The following FAM185A variants were observed in gnomAD, a reference collection of about 807,000 sequenced individuals.
The protein encoded by FAM185A is protein FAM185A.
In FAM185A, 21 loss-of-function variants were observed where a neutral mutation model predicts 45.7. That is an observed-to-expected ratio of 0.46 (90% CI 0.33 to 0.66). FAM185A has a LOEUF of 0.66. Among genes scored for constraint, FAM185A ranks in the 30% least tolerant of loss-of-function variants. FAM185A has a pLI of 0.03. For missense variants in FAM185A, 305 were observed against 485.4 expected (o/e 0.63, Z 3.49); for synonymous variants, 117 against 194.0 (o/e 0.60, Z 3.30).
chr7:102,848,413 G>A, the FAM185A span, among the ~76,000 whole-genome samples: 3 of 100,380 alleles, frequency 3.0e-5, no homozygotes, highest in Middle Eastern at 5.1e-3. Flanking sequence ...AAAATTAGCC[G>A]GGCGTAGTGG....
At position 102,749,609 on chromosome 7, in the gene FAM185A, T is replaced by A. The variant is rs1459743500; in HGVS notation, c.402T>A (p.Asp134Glu). 6.6e-6 allele frequency: 10 copies of A among 1,518,594 alleles called. No homozygotes were observed. The highest frequency in any genetic ancestry group is 2.3e-4 in the Middle Eastern group (1 of 4,364). The allele number at this position is 1,518,594 out of a possible 1,614,324, so 94.1% of individuals were successfully genotyped here. A position where few individuals can be genotyped will look rare whatever the true frequency, so the allele number is the denominator to read the frequency against. Residue 134 changes from aspartate (D) to glutamate (E), a missense_variant, in exon 1 of 8, where the codon GAT becomes GAA. By Grantham distance (45) the Asp-to-Glu change is conservative. This residue lies in a region of FAM185A where 174 missense variants were observed against 247.1 expected (regional missense o/e 0.70). Coordinates refer to ENST00000413034, the MANE Select transcript of FAM185A (RefSeq NM_001145268.2). ...TGGAGGAGATGGCCATTGTGTCTGA[T>A]ACTATCCACCCCCAGGCGTCCGTGG... ...EDLEEMAIVS[D>E]TIHPQASVEV...
chr7:102,816,376 T>G, the FAM185A span: 1 of 152,224 alleles, frequency 6.6e-6, no homozygotes, highest in Non-Finnish European at 1.5e-5. Context: ...AATCTAGGAT[T>G]ATTTTTAGAG....
At chr7:102,811,458 T>G (rs1229556719), downstream of FAM185A, among the ~76,000 whole-genome samples, 1 of 152,246 alleles carries the variant, frequency 6.6e-6, no homozygotes, top group African/African-American at 2.4e-5. Flanking sequence ...ACTCCTTTTC[T>G]TCATTTATGT....
chr7:102,761,443 C>A, intron 4 of FAM185A, 32 bp downstream of exon 4: 1 of 1,425,706 alleles, frequency 7.0e-7, no homozygotes, highest in African/African-American at 1.5e-5. Context: ...ACATCTGAGA[C>A]TTTCCACATA....
the FAM185A span, chr7:102,833,031 T>C: frequency 1.9e-6 from 3 of 1,571,852 alleles, no homozygotes; most frequent in Middle Eastern, 1.7e-4. Flanking sequence ...AGAACTGTCT[T>C]ACTTATAGTA....
chr7:102,818,456 A>G, the FAM185A span, among the ~76,000 whole-genome samples: 1 of 152,230 alleles, frequency 6.6e-6, no homozygotes, highest in African/African-American at 2.4e-5. Flanking sequence ...TACGTGGCAA[A>G]TAATAATTGT....
intron 6 of FAM185A, among the ~76,000 whole-genome samples, chr7:102,779,374 T>G (rs977106758): frequency 2.6e-5 from 4 of 151,996 alleles, no homozygotes; most frequent in African/African-American, 9.7e-5. Context: ...GGAGATGGGG[T>G]AGAAATCTTT....
intron 4 of FAM185A, among the ~76,000 whole-genome samples, chr7:102,761,977 T>C (rs531236448): frequency 3.9e-5 from 6 of 152,240 alleles, no homozygotes; most frequent in Admixed American, 1.3e-4. Context: ...TGTTTTCTTA[T>C]AATAGGAAAC....
the FAM185A span, among the ~76,000 whole-genome samples, chr7:102,817,221 C>A: frequency 6.6e-6 from 1 of 152,190 alleles, no homozygotes; most frequent in Non-Finnish European, 1.5e-5. Context: ...TACATTCCCA[C>A]CACAGTGTAA....
intron 6 of FAM185A, chr7:102,779,851 T>C (rs1046468968): frequency 2.7e-3 from 3 of 1,096 alleles, no homozygotes; most frequent in East Asian, 0.036. Context: ...CACACCCAGC[T>C]TTTTTTTTTT....
At chr7:102,795,226 G>T (rs1796377479) in intron 7 of FAM185A, among the ~76,000 whole-genome samples, 1 of 152,190 alleles carries the variant, frequency 6.6e-6, no homozygotes, top group Non-Finnish European at 1.5e-5. Flanking sequence ...TAATTTCCTG[G>T]TTTTGATAGT....
chr7:102,839,427 CTG>C, the FAM185A span, among the ~76,000 whole-genome samples: 1 of 152,228 alleles, frequency 6.6e-6, no homozygotes, highest in Non-Finnish European at 1.5e-5. Flanking sequence ...TACTTTGTCT[CTG>C]TGTCTTATTT....
chr7:102,819,168 C>T, the FAM185A span, among the ~76,000 whole-genome samples: 9 of 152,128 alleles, frequency 5.9e-5, no homozygotes, highest in Non-Finnish European at 1.3e-4. Context: ...GGTCTTTCTT[C>T]CTCTCTCTCA....
intron 6 of FAM185A, among the ~76,000 whole-genome samples, chr7:102,777,597 T>C (rs1309596348): frequency 6.6e-6 from 1 of 151,816 alleles, no homozygotes; most frequent in African/African-American, 2.4e-5. Flanking sequence ...ATTTTGACTG[T>C]TATTATGGAA....
chr7:102,825,933 T>C, the FAM185A span, among the ~76,000 whole-genome samples: 1 of 152,156 alleles, frequency 6.6e-6, no homozygotes, highest in Non-Finnish European at 1.5e-5. Flanking sequence ...TTACCCGAGA[T>C]TGCCACAGAA....
chr7:102,805,970 T>G (rs79713088), intron 7 of FAM185A, among the ~76,000 whole-genome samples: 1 of 152,188 alleles, frequency 6.6e-6, no homozygotes, highest in Non-Finnish European at 1.5e-5. Context: ...AATGGTCAGT[T>G]TAGTCCTGAG....
the FAM185A span, among the ~76,000 whole-genome samples, chr7:102,842,297 T>C: frequency 1.2e-4 from 19 of 152,218 alleles, no homozygotes; most frequent in Admixed American, 2.0e-4. Context: ...TACTGAAATC[T>C]CATGCTTTGA....
chr7:102,827,261 T>C, the FAM185A span: 1 of 392,114 alleles, frequency 2.6e-6, no homozygotes, highest in African/African-American at 2.0e-5. Flanking sequence ...CTGGGTCCCC[T>C]AGGCCAACCA....
chr7:102,785,984 GAAAA>G (rs1795766004), intron 6 of FAM185A, among the ~76,000 whole-genome samples: 1 of 151,976 alleles, frequency 6.6e-6, no homozygotes, highest in Non-Finnish European at 1.5e-5. Context: ...AAATTTACAA[GAAAA>G]AAACAAACAG....
Sources: allele counts gnomAD v4.1 joint callset (sites outside exome capture counted in the v4.1 genomes callset), GRCh38; gene constraint gnomAD v4.1.1; regional missense constraint gnomAD v4.1.1; transcripts MANE v1.5; gene names NCBI Gene and HGNC (gene_info 2026-07-23, HGNC 2026-07-21).